ABHD2: variants seen among roughly 807,000 people sequenced by gnomAD.
The protein encoded by ABHD2 is abhydrolase domain containing 2, acylglycerol lipase, also known as monoacylglycerol lipase ABHD2.
Under a neutral mutation model 48.1 loss-of-function variants are expected in ABHD2, and 20 were observed. The observed-to-expected ratio is 0.42, with a 90% CI of 0.29 to 0.60. ABHD2 has a LOEUF of 0.60. ABHD2 is among the 20% of genes least tolerant of loss of function. ABHD2 has a pLI of 0.24. For missense variants in ABHD2, 405 were observed against 550.9 expected (o/e 0.74, Z 2.65); for synonymous variants, 209 against 214.2 (o/e 0.98, Z 0.21).
Position 89,185,491 on chromosome 15 carries a change from A to G in ABHD2, c.790A>G (p.Met264Val). Residue 264 changes from methionine (M) to valine (V), a missense_variant, in exon 7 of 11, where the codon ATG (methionine) becomes GTG (valine). Transcript: ENST00000352732. The surrounding 1 kb of genome is among the most constrained non-coding windows in gnomAD (Gnocchi z 5.9). ...CTACAACTTCCTCATGGCTGACAAC[A>G]TGAAGAAGATCATCCTCTCGCACAG... ...RFYNFLMADN[M>V]KKIILSHRQA... is the part of the protein sequence containing the mutation. 2 of 1,614,022 alleles carry G rather than the reference A, an allele frequency of 1.2e-6. No homozygotes were observed. Among genetic ancestry groups the G allele is most frequent in the Non-Finnish European group, 1.7e-6 (2 of 1,179,974 alleles).
In ABHD2 at chr15:89,175,970, G is replaced by T; in HGVS notation, c.697G>T (p.Val233Leu). The change falls in exon 6 of 11, where the codon GTG becomes TTG. Residue 233 changes from valine (V) to leucine (L), a missense_variant. Transcript: ENST00000352732. The surrounding 1 kb of genome is among the most constrained non-coding windows in gnomAD (Gnocchi z 5.7). ...AGAGAAGGTCCTGTGCTGCGTCAGC[G>T]TGTGCCAGGGGTACAGTGCACTGAG... ...NQEKVLCCVS[V>L]CQGYSALRAQ... The T allele has an allele frequency of 6.2e-7, 1 of 1,612,122 alleles. No individual in the cohort carries two copies. The highest frequency in any genetic ancestry group is 8.5e-7 in the Non-Finnish European group (1 of 1,178,924).
chr15:89,158,671 T>C (rs1028570979), intron 5 of ABHD2, among the ~76,000 whole-genome samples: 1 of 152,178 alleles, frequency 6.6e-6, no homozygotes, highest in African/African-American at 2.4e-5. Context: ...TGATTACATA[T>C]AGTAAACATT....
the ABHD2 span, among the ~76,000 whole-genome samples, chr15:89,057,341 A>T: frequency 2.6e-5 from 4 of 152,284 alleles, no homozygotes; most frequent in African/African-American, 9.6e-5. Flanking sequence ...CTCATAGCTA[A>T]TTCCCTTCCT....
Position 89,172,024 on chromosome 15 carries a change from CTT to C in ABHD2, c.539-3780_539-3779del, listed in dbSNP as rs750948742. Among the ~76,000 whole-genome samples, 206 of 121,600 alleles carry C rather than the reference CTT, an allele frequency of 1.7e-3. 2 individuals carry two copies. The highest frequency in any genetic ancestry group is 6.0e-3 in the South Asian group (23 of 3,826). 79.8% of individuals were successfully genotyped at this position (121,600 alleles called of 152,430 possible). On this transcript the variant is annotated intron_variant, in intron 5 of 10. Transcript: ENST00000352732. ...TACCCTATAATAAATATTTTTCCTG[CTT>C]TTTTTTTAAAAAAAATCCCCAGGTG...
chr15:89,068,754 CTTTTTTTTTTTTT>C, the ABHD2 span, among the ~76,000 whole-genome samples: 118 of 71,394 alleles, frequency 1.7e-3, 1 homozygote, highest in Non-Finnish European at 2.3e-3. Flanking sequence ...CAAGCTTCCT[CTTTTTTTTTTTTT>C]TTTTTTTTTT....
chr15:89,116,366 G>A lies in ABHD2; in HGVS notation c.39G>A (p.Val13=), dbSNP rs1350476651. ...TGGAGACTCCCGAACTCCCAGCCGTGTTTGATGGAGTGAAGCTGGCTGCAG... is the reference window on the plus strand; with the variant it reads ...TGGAGACTCCCGAACTCCCAGCCGTATTTGATGGAGTGAAGCTGGCTGCAG... The part of the protein sequence containing the change: ...AMLETPELPA[V]FDGVKLAAVA... The change falls in exon 3 of 11, where the codon GTG becomes GTA. Residue 13 remains valine, a synonymous_variant. Transcript: ENST00000352732. This position sits in a 1 kb window ranked among gnomAD's most constrained non-coding sequence, Gnocchi z 4.6. The A allele has an allele frequency of 2.5e-6, 4 of 1,614,086 alleles. No individual in the cohort carries two copies. The highest frequency in any genetic ancestry group is 3.4e-6 in the Non-Finnish European group (4 of 1,180,032).
chr15:89,192,004 T>C (rs932588865), intron 9 of ABHD2, among the ~76,000 whole-genome samples: 1 of 152,042 alleles, frequency 6.6e-6, no homozygotes, highest in Non-Finnish European at 1.5e-5. Flanking sequence ...TGTGATTAAG[T>C]TTGTGGCCAA....
chr15:89,143,594 G>C (rs1233854143), intron 3 of ABHD2, among the ~76,000 whole-genome samples: 6 of 151,988 alleles, frequency 3.9e-5, no homozygotes, highest in Admixed American at 3.9e-4. Context: ...TTGAACCCAG[G>C]AGGCGGAGGT....
intron 3 of ABHD2, chr15:89,135,569 C>T (rs2050295037): frequency 8.0e-6 from 12 of 1,499,022 alleles, no homozygotes; most frequent in Admixed American, 7.3e-5. Flanking sequence ...TCATCTTCCT[C>T]CTCCTCATTC....
intron 3 of ABHD2, among the ~76,000 whole-genome samples, chr15:89,118,846 T>G (rs1034005795): frequency 5.3e-5 from 8 of 152,178 alleles, no homozygotes; most frequent in African/African-American, 1.9e-4. Context: ...CCAGAGACAT[T>G]AAGCCCAACA....
At chr15:89,126,545 T>A (rs1170729324) in intron 3 of ABHD2, among the ~76,000 whole-genome samples, 1 of 152,268 alleles carries the variant, frequency 6.6e-6, no homozygotes, top group Admixed American at 6.5e-5. Context: ...TGATCTCCAC[T>A]GTTCTTTTTC....
chr15:89,066,482 A>G, the ABHD2 span, among the ~76,000 whole-genome samples: 416 of 152,310 alleles, frequency 2.7e-3, 2 homozygotes, highest in East Asian at 0.02. Context: ...TAACTTGATT[A>G]CATCTGCAAA....
In ABHD2 at chr15:89,179,215, C is replaced by G. The variant is rs1296585697; in HGVS notation, c.722+3220C>G. ...ACAGGGCCCAGGCCAGGGGCAGAAG[C>G]CCCTTACAGCAGGGGTCCCAACTGC... On this transcript the variant is annotated intron_variant, in intron 6 of 10. Transcript: ENST00000352732. The surrounding 1 kb of genome is among the most constrained non-coding windows in gnomAD (Gnocchi z 4.3). 6.6e-6 allele frequency among the ~76,000 whole-genome samples: 1 copy of G among 152,202 alleles called. No individual in the cohort carries two copies. The highest frequency in any genetic ancestry group is 1.5e-5 in the Non-Finnish European group (1 of 68,024).
chr15:89,161,036 A>G (rs2050754323), intron 5 of ABHD2, among the ~76,000 whole-genome samples: 2 of 152,072 alleles, frequency 1.3e-5, no homozygotes, highest in Admixed American at 1.3e-4. Context: ...CTTTATTTCT[A>G]CCTAAAAGAA....
chr15:89,059,660 C>T, the ABHD2 span, among the ~76,000 whole-genome samples: 600 of 152,256 alleles, frequency 3.9e-3, 4 homozygotes, highest in African/African-American at 0.013. Context: ...ACAGCAGTCG[C>T]AGGTGCCATT....
intron 6 of ABHD2, chr15:89,183,384 A>AAATATATATAT (rs61602174): frequency 7.8e-4 from 36 of 46,266 alleles, no homozygotes; most frequent in South Asian, 2.7e-3. Context: ...AAAAAAAAAA[A>AAATATATATAT]ATATATATAT....
the ABHD2 span, among the ~76,000 whole-genome samples, chr15:89,048,782 T>C: frequency 1.3e-5 from 2 of 152,076 alleles, no homozygotes; most frequent in Non-Finnish European, 2.9e-5. Context: ...TATTAGTTAT[T>C]CTAGTTATAC....
intron 5 of ABHD2, among the ~76,000 whole-genome samples, chr15:89,171,884 A>C (rs1207060313): frequency 6.6e-6 from 1 of 152,186 alleles, no homozygotes; most frequent in Non-Finnish European, 1.5e-5. Context: ...AGACGTTCTG[A>C]CTTAATGAAG....
chr15:89,068,754 C>CTTTTTTTTTTTTT, the ABHD2 span, among the ~76,000 whole-genome samples: 105 of 71,390 alleles, frequency 1.5e-3, 14 homozygotes, highest in East Asian at 2.8e-3. Flanking sequence ...CAAGCTTCCT[C>CTTTTTTTTTTTTT]TTTTTTTTTT....
Sources: allele counts gnomAD v4.1 joint callset (sites outside exome capture counted in the v4.1 genomes callset), GRCh38; gene constraint gnomAD v4.1.1; non-coding constraint Gnocchi (gnomAD v3.1); transcripts MANE v1.5; gene names NCBI Gene and HGNC (gene_info 2026-07-23, HGNC 2026-07-21).